CDH4: variants seen among roughly 807,000 people sequenced by gnomAD.
CDH4 encodes the protein cadherin-4.
Under a neutral mutation model 86.0 loss-of-function variants are expected in CDH4, and 33 were observed. The ratio of observed to expected loss-of-function variants is 0.38; its 90% CI spans 0.29 to 0.51. The LOEUF (loss-of-function observed/expected upper bound fraction) is 0.51. CDH4 is among the 20% of genes least tolerant of loss of function. CDH4 has a pLI of 0.86. For synonymous variants in CDH4, 555 were observed against 549.4 expected, an observed-to-expected ratio of 1.01 and a Z score of -0.14; for missense variants, 1,114 against 1,307.4, an observed-to-expected ratio of 0.85 and a Z score of 2.28.
At chr20:61,638,054 G>A (rs951252551) in intron 2 of CDH4, among the ~76,000 whole-genome samples, 4 of 144,008 alleles carry the variant, frequency 2.8e-5, no homozygotes, top group Non-Finnish European at 6.1e-5. Flanking sequence ...AGAGAGGAGA[G>A]GAGAAGAGTC....
Position 61,918,078 on chromosome 20 carries a change from T to TG in CDH4, c.1375-5366dup, listed in dbSNP as rs557897484. On this transcript the variant is annotated intron_variant, in intron 9 of 15. Coordinates refer to ENST00000614565, the MANE Select transcript of CDH4 (RefSeq NM_001794.5). Reference sequence around the variant, plus strand: ...CGTCCCAGCCAGCTGCTGGAGGGCCTGGGGGGGCAGCTGCAGGCGTTGGCA... The same window carrying TG: ...CGTCCCAGCCAGCTGCTGGAGGGCCTGGGGGGGGCAGCTGCAGGCGTTGGCA... 3.4e-4 allele frequency among the ~76,000 whole-genome samples: 52 copies of TG among 152,220 alleles called. 1 individual carries two copies. The South Asian group carries it at 8.7e-3, about 26-fold the overall frequency.
intron 2 of CDH4, among the ~76,000 whole-genome samples, chr20:61,650,851 G>A (rs1328113715): frequency 1.3e-5 from 2 of 152,242 alleles, no homozygotes; most frequent in Non-Finnish European, 2.9e-5. Flanking sequence ...ATTTCATGTA[G>A]ATATTAGCAG....
chr20:61,771,194 G>T (rs1266534067), intron 3 of CDH4, among the ~76,000 whole-genome samples: 1 of 151,342 alleles, frequency 6.6e-6, no homozygotes. Context: ...ATTTTTAGTA[G>T]AGATGGGGTT....
intron 2 of CDH4, among the ~76,000 whole-genome samples, chr20:61,580,750 C>T (rs896369188): frequency 5.3e-5 from 8 of 152,104 alleles, no homozygotes; most frequent in African/African-American, 1.4e-4. Context: ...AGGCGTTGGG[C>T]GCACGAAATG....
At chr20:61,292,065 A>G (rs901982252) in intron 2 of CDH4, among the ~76,000 whole-genome samples, 3 of 152,220 alleles carry the variant, frequency 2.0e-5, no homozygotes, top group African/African-American at 7.2e-5. Context: ...TGTCCCTGCA[A>G]GCAGTATGGT....
intron 2 of CDH4, among the ~76,000 whole-genome samples, chr20:61,611,276 A>G (rs181685426): frequency 3.1e-4 from 47 of 152,162 alleles, no homozygotes; most frequent in African/African-American, 1.0e-3. Flanking sequence ...CTTTCTGGTG[A>G]CCAGTCCCAT....
chr20:61,453,314 G>A (rs577726890), intron 2 of CDH4, among the ~76,000 whole-genome samples: 1 of 152,150 alleles, frequency 6.6e-6, no homozygotes, highest in Admixed American at 6.6e-5. Context: ...GAAGGAACTC[G>A]CATTGCACTT....
At chr20:61,707,493 G>A (rs779561831) in intron 2 of CDH4, among the ~76,000 whole-genome samples, 4 of 152,218 alleles carry the variant, frequency 2.6e-5, no homozygotes, top group East Asian at 1.9e-4. Context: ...ATGTGGACAC[G>A]TGTGAGTGCC....
intron 2 of CDH4, among the ~76,000 whole-genome samples, chr20:61,736,619 A>AGAGG (rs1054630082): frequency 5.3e-5 from 8 of 149,978 alleles, no homozygotes; most frequent in Non-Finnish European, 7.4e-5. Flanking sequence ...GGAAGGAAGG[A>AGAGG]GAGGGAGGGA....
intron 2 of CDH4, among the ~76,000 whole-genome samples, chr20:61,426,025 G>T (rs1309752025): frequency 6.6e-6 from 1 of 152,240 alleles, no homozygotes; most frequent in African/African-American, 2.4e-5. Flanking sequence ...AGTTACCAAG[G>T]CTGACCTCTC....
rs372315972 is a variant in CDH4, at chr20:61,686,480, CGT to C, written c.170-57075_170-57074del. ...GTGTGTGCATTTGCGTGTATATGTG[CGT>C]GTGTGTGCATTCGCGTGTGTGTATA... On this transcript the variant is annotated intron_variant, in intron 2 of 15. Transcript: ENST00000614565. Among the ~76,000 whole-genome samples, 178 of 136,048 alleles carry C rather than the reference CGT, an allele frequency of 1.3e-3. 4 individuals carry two copies. The South Asian group carries it at 0.038, about 29-fold the overall frequency. 89.3% of individuals were successfully genotyped at this position (136,048 alleles called of 152,430 possible).
intron 2 of CDH4, among the ~76,000 whole-genome samples, chr20:61,672,418 T>G (rs948173180): frequency 6.6e-6 from 1 of 152,132 alleles, no homozygotes. Flanking sequence ...CAAAGCCCAG[T>G]CCATCAAGGA....
At chr20:61,451,883 A>G (rs533068692) in intron 2 of CDH4, among the ~76,000 whole-genome samples, 1 of 152,342 alleles carries the variant, frequency 6.6e-6, no homozygotes, top group East Asian at 1.9e-4. Context: ...AGCTCTTCTC[A>G]TGCCTAGGCA....
At position 61,681,098 on chromosome 20, in the gene CDH4, C is replaced by T. The variant is rs1283710165; in HGVS notation, c.170-62465C>T. On this transcript the variant is annotated intron_variant, in intron 2 of 15. Transcript: ENST00000614565. The surrounding 1 kb of genome is among the most constrained non-coding windows in gnomAD (Gnocchi z 4.5). ...CTGTGCCGTGCAATTATTAACACATCGCTTGAGGGCATTGTGGATGTGGGC... is the reference window on the plus strand; with the variant it reads ...CTGTGCCGTGCAATTATTAACACATTGCTTGAGGGCATTGTGGATGTGGGC... Among the ~76,000 whole-genome samples the T allele has an allele frequency of 6.6e-6, 1 of 152,208 alleles. No individual in the cohort carries two copies. Among genetic ancestry groups the T allele is most frequent in the Admixed American group, 6.5e-5 (1 of 15,274 alleles).
At chr20:61,771,648 G>A (rs959472167) in intron 3 of CDH4, among the ~76,000 whole-genome samples, 24 of 146,566 alleles carry the variant, frequency 1.6e-4, no homozygotes, top group Non-Finnish European at 3.0e-4. Context: ...AGGAAAAAAT[G>A]CAGGTGCAGT....
intron 2 of CDH4, among the ~76,000 whole-genome samples, chr20:61,731,846 G>T (rs879758897): frequency 1.2e-4 from 19 of 152,152 alleles, no homozygotes; most frequent in African/African-American, 4.3e-4. Context: ...AGGACTCGGG[G>T]GCTGCACAGC....
chr20:61,744,671 CCTT>C (rs1271229906), intron 3 of CDH4, among the ~76,000 whole-genome samples: 3 of 152,170 alleles, frequency 2.0e-5, no homozygotes, highest in African/African-American at 4.8e-5. Context: ...GACTCTGCCT[CCTT>C]CTAACCCGGC....
intron 2 of CDH4, among the ~76,000 whole-genome samples, chr20:61,588,421 C>A (rs143242822): frequency 3.6e-4 from 55 of 152,052 alleles, no homozygotes; most frequent in African/African-American, 1.3e-3. Context: ...CTGTTCAGCT[C>A]GTACCAAGGA....
At position 61,928,269 on chromosome 20, in the gene CDH4, CA is replaced by C; in HGVS notation, c.1853del (p.Lys618ArgfsTer11). 1 of 1,609,368 alleles carries C rather than the reference CA, an allele frequency of 6.2e-7. No homozygotes were observed. Reference sequence around the variant, plus strand: ...ACGACAACGCCCCTGAGCTGCTGCCCAAGGAGGCGCAGATCTGCGAGAAGCC... The same window carrying C: ...ACGACAACGCCCCTGAGCTGCTGCCCAGGAGGCGCAGATCTGCGAGAAGCC... Reference protein sequence around the residue: ...INDNAPELLPKEAQICEKPNL... With the variant: ...INDNAPELLPXEAQICEKPNL... On this transcript the variant is annotated frameshift_variant, in exon 12 of 16. Transcript: ENST00000614565. LOFTEE classifies it high-confidence loss of function.
Sources: gnomAD v4.1 joint callset for allele counts (sites outside exome capture counted in the v4.1 genomes callset) on GRCh38, gnomAD v4.1.1 for gene constraint, Gnocchi (gnomAD v3.1) non-coding constraint, MANE v1.5 for transcripts, NCBI Gene and HGNC (gene_info 2026-07-23, HGNC 2026-07-21) for gene names.